The following SLX4IP variants were observed in gnomAD, a reference collection of about 807,000 sequenced individuals.
The protein encoded by SLX4IP is protein SLX4IP.
In SLX4IP, 34 loss-of-function variants were observed where a neutral mutation model predicts 32.9. The observed-to-expected ratio is 1.03, with a 90% CI of 0.79 to 1.38. SLX4IP has a LOEUF of 1.38. Among genes scored for constraint, SLX4IP ranks in the 40% most tolerant of loss-of-function variants. SLX4IP has a pLI of 0.00. For synonymous variants in SLX4IP, 172 were observed against 171.7 expected (o/e 1.00, Z -0.01); for missense variants, 444 against 479.0 (o/e 0.93, Z 0.68).
intron 4 of SLX4IP, among the ~76,000 whole-genome samples, chr20:10,583,234 G>T (rs1397142637): frequency 2.0e-5 from 3 of 152,126 alleles, no homozygotes; most frequent in Non-Finnish European, 4.4e-5. Context: ...AGCTCTAAAA[G>T]AGAAGTGATT....
intron 4 of SLX4IP, among the ~76,000 whole-genome samples, chr20:10,570,094 C>T (rs1601014900): frequency 6.6e-6 from 1 of 152,138 alleles, no homozygotes; most frequent in African/African-American, 2.4e-5. Flanking sequence ...CTGGGGTGCA[C>T]CACTCTGAAA....
chr20:10,605,735 A>T (rs543004150), intron 6 of SLX4IP, among the ~76,000 whole-genome samples: 2 of 152,196 alleles, frequency 1.3e-5, no homozygotes, highest in Non-Finnish European at 2.9e-5. Context: ...AAGACTCTGC[A>T]GACGTAGGCC....
chr20:10,608,719 T>C (rs955848302), intron 6 of SLX4IP, among the ~76,000 whole-genome samples: 1 of 149,896 alleles, frequency 6.7e-6, no homozygotes. Flanking sequence ...AAGGCACTTA[T>C]ACAGTATTAA....
chr20:10,523,609 A>G (rs1378435939), intron 2 of SLX4IP, among the ~76,000 whole-genome samples: 1 of 152,246 alleles, frequency 6.6e-6, no homozygotes, highest in Non-Finnish European at 1.5e-5. Context: ...GACAGGGACC[A>G]GGACTGCTTA....
At chr20:10,515,917 C>A (rs2065846245) in intron 2 of SLX4IP, among the ~76,000 whole-genome samples, 1 of 152,116 alleles carries the variant, frequency 6.6e-6, no homozygotes, top group Non-Finnish European at 1.5e-5. Context: ...GAGACTTGGT[C>A]TTGCTCTGTT....
intron 1 of SLX4IP, among the ~76,000 whole-genome samples, chr20:10,443,749 G>C (rs2065177499): frequency 1.3e-5 from 2 of 152,128 alleles, no homozygotes; most frequent in African/African-American, 2.4e-5. Flanking sequence ...TTGGAGGAGG[G>C]GCCTGGTTGA....
intron 2 of SLX4IP, among the ~76,000 whole-genome samples, chr20:10,517,506 A>G (rs562136210): frequency 1.3e-5 from 2 of 152,220 alleles, no homozygotes; most frequent in African/African-American, 4.8e-5. Flanking sequence ...GGAGACGGAC[A>G]TATGTTATGA....
At chr20:10,528,804 C>T (rs1402011205) in intron 2 of SLX4IP, among the ~76,000 whole-genome samples, 1 of 152,208 alleles carries the variant, frequency 6.6e-6, no homozygotes, top group Non-Finnish European at 1.5e-5. Flanking sequence ...TTTCCCTGGG[C>T]TCAACATACC....
At chr20:10,456,516 A>G (rs539447640) in intron 1 of SLX4IP, among the ~76,000 whole-genome samples, 125 of 151,856 alleles carry the variant, frequency 8.2e-4, no homozygotes, top group Non-Finnish European at 1.5e-3. Context: ...TAATTTTTGT[A>G]TTTTTAATAG....
intron 2 of SLX4IP, among the ~76,000 whole-genome samples, chr20:10,518,417 TTCCTTCCCTCCC>T (rs2065869928): frequency 8.4e-6 from 1 of 118,906 alleles, no homozygotes; most frequent in African/African-American, 3.0e-5. Context: ...CCTTCCTTCC[TTCCTTCCCTCCC>T]TCCCTCCTTC....
chr20:10,455,808 G>A (rs1568688890), intron 1 of SLX4IP, among the ~76,000 whole-genome samples: 1 of 151,818 alleles, frequency 6.6e-6, no homozygotes, highest in Non-Finnish European at 1.5e-5. Context: ...ACAGGGTTTC[G>A]CCATGTTGGC....
intron 6 of SLX4IP, among the ~76,000 whole-genome samples, chr20:10,620,914 G>T (rs1233362745): frequency 2.6e-5 from 4 of 152,128 alleles, no homozygotes; most frequent in Non-Finnish European, 4.4e-5. Context: ...GGATGATAAG[G>T]GTGTAGACCA....
chr20:10,530,326 G>C (rs1335881584), intron 2 of SLX4IP, among the ~76,000 whole-genome samples: 2 of 152,148 alleles, frequency 1.3e-5, no homozygotes, highest in African/African-American at 4.8e-5. Flanking sequence ...TCTTTGTGAG[G>C]TCTGTTTACA....
chr20:10,607,461 T>A (rs1429298488), intron 6 of SLX4IP, among the ~76,000 whole-genome samples: 1 of 152,216 alleles, frequency 6.6e-6, no homozygotes, highest in Non-Finnish European at 1.5e-5. Flanking sequence ...TTCTCTTAAG[T>A]CACACTACTG....
chr20:10,461,816 C>T (rs1166436843), intron 2 of SLX4IP, among the ~76,000 whole-genome samples: 1 of 152,148 alleles, frequency 6.6e-6, no homozygotes, highest in South Asian at 2.1e-4. Context: ...CTCACTCAGT[C>T]GCCCAGGCTG....
rs1160190011 is a variant in SLX4IP at position 10,624,066 on chromosome 20, G to A, written c.*687G>A. 1 of 152,266 alleles carries A rather than the reference G, an allele frequency of 6.6e-6. No individual in the cohort carries two copies. The highest frequency in any genetic ancestry group is 2.4e-5 in the African/African-American group (1 of 41,414). The allele number at this position is 152,266 out of a possible 1,614,324, so 9.4% of individuals were successfully genotyped here. On this transcript the variant is annotated 3_prime_UTR_variant, in exon 8 of 8. Transcript: ENST00000334534. ...CCAGATGTGCACATGCATCCCCTCG[G>A]ACTCCCTCAAACTCGTAAAACACTT... is the stretch of plus-strand genomic sequence containing the variant.
intron 4 of SLX4IP, among the ~76,000 whole-genome samples, chr20:10,579,683 C>T (rs1355409071): frequency 1.3e-5 from 2 of 152,182 alleles, no homozygotes; most frequent in Non-Finnish European, 2.9e-5. Flanking sequence ...GCCTTGACCT[C>T]CCAAAGTGTT....
At chr20:10,437,854 C>G (rs1316853227) in intron 1 of SLX4IP, among the ~76,000 whole-genome samples, 1 of 152,194 alleles carries the variant, frequency 6.6e-6, no homozygotes, top group Non-Finnish European at 1.5e-5. Context: ...GAAATTAACT[C>G]TAGAGCTAGA....
chr20:10,582,915 T>C (rs574629626), intron 4 of SLX4IP, among the ~76,000 whole-genome samples: 5 of 152,254 alleles, frequency 3.3e-5, no homozygotes, highest in African/African-American at 1.2e-4. Context: ...TCTATATTAA[T>C]ATAAATATTT....
Sources: allele counts gnomAD v4.1 joint callset (sites outside exome capture counted in the v4.1 genomes callset), GRCh38; gene constraint gnomAD v4.1.1; transcripts MANE v1.5; gene names NCBI Gene and HGNC (gene_info 2026-07-23, HGNC 2026-07-21).